Variants in ACACA observed in about 807,000 individuals in gnomAD.
ACACA encodes the protein acetyl-CoA carboxylase alpha, also known as acetyl-CoA carboxylase 1.
In ACACA, 103 loss-of-function variants were observed where a neutral mutation model predicts 296.1. The ratio of observed to expected loss-of-function variants is 0.35; its 90% confidence interval spans 0.30 to 0.41. The LOEUF is 0.41. Among genes scored for constraint, ACACA ranks in the 10% least tolerant of loss-of-function variants. ACACA has a pLI of 1.00. For synonymous variants in ACACA, 953 were observed against 1,038.6 expected (o/e 0.92, Z 1.58); for missense variants, 1,554 against 2,989.7 (o/e 0.52, Z 11.20).
chr17:37,104,586 C>T (rs2073556381), intron 52 of ACACA, among the ~76,000 whole-genome samples: 1 of 152,150 alleles, frequency 6.6e-6, no homozygotes, highest in Non-Finnish European at 1.5e-5. Flanking sequence ...GCACAGTGGC[C>T]TATCAGGTGT....
rs28428832 is a variant in ACACA, at chr17:37,393,092, C to T, written c.38+13170G>A. Among the ~76,000 whole-genome samples, 1,442 of 145,522 alleles carry T rather than the reference C, an allele frequency of 9.9e-3. 21 individuals are homozygous for T. Among genetic ancestry groups the T allele is most frequent in the African/African-American group, 0.035 (1,363 of 39,256 alleles). On this transcript the variant is annotated intron_variant, in intron 1 of 55. Transcript: ENST00000616317. ...GGGAGGTGGAGGTTGCAGTGAGCCC[C>T]GAGATCTCACCATTGCACTCTAGCC... is the stretch of plus-strand genomic sequence containing the variant.
intron 3 of ACACA, among the ~76,000 whole-genome samples, chr17:37,287,137 G>C (rs149929561): frequency 1.6e-4 from 25 of 152,268 alleles, no homozygotes; most frequent in African/African-American, 5.5e-4. Flanking sequence ...CCGTTTGATA[G>C]ACAGCTGTTT....
At chr17:37,256,393 T>A (rs1338496185) in intron 14 of ACACA, among the ~76,000 whole-genome samples, 1 of 152,100 alleles carries the variant, frequency 6.6e-6, no homozygotes, top group Non-Finnish European at 1.5e-5. Flanking sequence ...TGAGAAGAAA[T>A]GTAAAGGACA....
At chr17:37,244,954 A>AT in intron 20 of ACACA, 126 bp downstream of exon 20, 1 of 1,443,246 alleles carries the variant, frequency 6.9e-7, no homozygotes. Flanking sequence ...AATACAAGGC[A>AT]TAAGATTAAT....
chr17:37,365,801 G>A (rs772665673), intron 1 of ACACA: 60 of 899,180 alleles, frequency 6.7e-5, no homozygotes, highest in East Asian at 1.2e-4. Flanking sequence ...GAGTAGTAGA[G>A]ACTCCCCACG....
At chr17:37,087,612 C>T (rs953784080) in intron 55 of ACACA, among the ~76,000 whole-genome samples, 173 bp from the exon 56 acceptor site, 1 of 152,142 alleles carries the variant, frequency 6.6e-6, no homozygotes, top group African/African-American at 2.4e-5. Context: ...TAGTGCAAGA[C>T]AAACCCAAAA....
At chr17:37,248,554 A>T (rs192605607) in intron 17 of ACACA, 39 bp downstream of exon 17, 14 of 1,472,036 alleles carry the variant, frequency 9.5e-6, no homozygotes, top group African/African-American at 7.0e-5. Flanking sequence ...AAAGATAGCT[A>T]AAAAAGTAAG....
rs896425086 is a variant in ACACA at position 37,244,100 on chromosome 17, C to T, written c.2742+488G>A. Among the ~76,000 whole-genome samples the T allele has an allele frequency of 7.2e-5, 11 of 152,030 alleles. No individual in the cohort carries two copies. The South Asian group carries it at 1.0e-3, about 14-fold the overall frequency. ...AATCACGGGCGGGCACAGTGGCTCA[C>T]GCCTATAATCCCAGCACTTTGGGAG... On this transcript the variant is annotated intron_variant, in intron 21 of 55. Coordinates refer to ENST00000616317, the MANE Select transcript of ACACA (RefSeq NM_198834.3).
chr17:37,278,504 G>A (rs2082367586), intron 5 of ACACA, among the ~76,000 whole-genome samples: 2 of 152,212 alleles, frequency 1.3e-5, no homozygotes, highest in African/African-American at 4.8e-5. Context: ...TCTGGAAAGA[G>A]TTTATCTGGA....
In ACACA at chr17:37,179,241, G is replaced by C. The variant is rs2144829767; in HGVS notation, c.5079+19C>G. 1.9e-6 allele frequency: 3 copies of C among 1,614,064 alleles called. No individual in the cohort carries two copies. The highest frequency in any genetic ancestry group is 2.2e-5 in the South Asian group (2 of 91,078). On this transcript the variant is annotated intron_variant, in intron 41 of 55. Transcript: ENST00000616317. ...TGGGCACAGAGATAAGAAAGGGAAGGGGGGTTTCAACTACTTGCCTCATTT... is the reference window on the plus strand; with the variant it reads ...TGGGCACAGAGATAAGAAAGGGAAGCGGGGTTTCAACTACTTGCCTCATTT...
intron 2 of ACACA, among the ~76,000 whole-genome samples, chr17:37,336,240 C>A (rs1598524519): frequency 6.6e-6 from 1 of 152,224 alleles, no homozygotes; most frequent in South Asian, 2.1e-4. Context: ...GCACCCCTCC[C>A]GAGGAAATCT....
At chr17:37,171,369 C>T (rs1157888381) in intron 41 of ACACA, among the ~76,000 whole-genome samples, 8 of 152,034 alleles carry the variant, frequency 5.3e-5, no homozygotes, top group African/African-American at 1.5e-4. Flanking sequence ...AGTCCCTTCT[C>T]AGATATATAA....
In ACACA at chr17:37,244,619, T is replaced by C; in HGVS notation, c.2711A>G (p.Tyr904Cys). Residue 904 changes from tyrosine (Y) to cysteine (C), a missense_variant, in exon 21 of 56, where the codon TAC becomes TGC. Tyr to Cys is a radical substitution (Grantham distance 194, BLOSUM62 -2). This residue lies in a region of ACACA where 316 missense variants were observed against 540.9 expected (regional missense o/e 0.58). Transcript: ENST00000616317. Reference protein sequence around the residue: ...LDNLVNVMNGYCLPDPFFSSK... With the variant: ...LDNLVNVMNGCCLPDPFFSSK... ...GCTAAAGAAAGGATCTGGAAGGCAG[T>C]ATCCATTCATTACATTGACCAGATT... is the stretch of plus-strand genomic sequence containing the variant. The C allele has an allele frequency of 6.2e-7, 1 of 1,614,150 alleles. No individual in the cohort carries two copies. Among genetic ancestry groups the C allele is most frequent in the Non-Finnish European group, 8.5e-7 (1 of 1,179,988 alleles).
chr17:37,253,724 A>G (rs982747880), intron 14 of ACACA, among the ~76,000 whole-genome samples: 1 of 152,230 alleles, frequency 6.6e-6, no homozygotes, highest in African/African-American at 2.4e-5. Context: ...GAATTAGGGC[A>G]TTAATTCTCC....
intron 4 of ACACA, 150 bp from the exon 5 acceptor site, chr17:37,283,555 G>A (rs2082640890): frequency 1.0e-6 from 1 of 990,044 alleles, no homozygotes; most frequent in African/African-American, 1.6e-5. Flanking sequence ...CAGACTGTTA[G>A]AAACTGGCTT....
At chr17:37,343,654 A>G (rs961224110) in intron 1 of ACACA, among the ~76,000 whole-genome samples, 7 of 151,764 alleles carry the variant, frequency 4.6e-5, no homozygotes, top group African/African-American at 1.7e-4. Flanking sequence ...AATCCCAGCT[A>G]CTTGGGAGGC....
At chr17:37,200,751 A>C (rs1457692400) in intron 33 of ACACA, among the ~76,000 whole-genome samples, 1 of 152,204 alleles carries the variant, frequency 6.6e-6, no homozygotes, top group Non-Finnish European at 1.5e-5. Flanking sequence ...CAACTAAATT[A>C]CCTCAGAACT....
At chr17:37,203,190 G>A (rs539629075) in intron 33 of ACACA, among the ~76,000 whole-genome samples, 1 of 151,956 alleles carries the variant, frequency 6.6e-6, no homozygotes, top group African/African-American at 2.4e-5. Flanking sequence ...TTGAACTCCT[G>A]ACCTTGTGAT....
At chr17:37,093,285 T>G (rs1344003241) in intron 54 of ACACA, among the ~76,000 whole-genome samples, 1 of 152,144 alleles carries the variant, frequency 6.6e-6, no homozygotes, top group African/African-American at 2.4e-5. Flanking sequence ...ACAATAAGAA[T>G]GCACCATGGC....
Sources: gnomAD v4.1 joint callset for allele counts (sites outside exome capture counted in the v4.1 genomes callset) on GRCh38, gnomAD v4.1.1 for gene constraint, gnomAD v4.1.1 regional missense constraint, MANE v1.5 for transcripts, NCBI Gene and HGNC (gene_info 2026-07-23, HGNC 2026-07-21) for gene names.